The following UHRF2 variants were observed in gnomAD, a reference collection of about 807,000 sequenced individuals.
The protein encoded by UHRF2 is ubiquitin like with PHD and ring finger domains 2.
In UHRF2, 23 loss-of-function variants were observed where a neutral mutation model predicts 96.8. The observed-to-expected ratio is 0.24, with a 90% CI of 0.17 to 0.34. UHRF2 has a LOEUF of 0.34. Among genes scored for constraint, UHRF2 ranks in the 10% least tolerant of loss-of-function variants. UHRF2 has a pLI of 1.00. For missense variants in UHRF2, 685 were observed against 981.5 expected, an observed-to-expected ratio of 0.70 and a Z score of 4.04; for synonymous variants, 385 against 332.6, an observed-to-expected ratio of 1.16 and a Z score of -1.72.
At chr9:6,460,511 C>G (rs1003453623) in intron 3 of UHRF2, 62 bp from the exon 4 acceptor site, 14 of 1,399,694 alleles carry the variant, frequency 1.0e-5, no homozygotes, top group Non-Finnish European at 1.4e-5. Context: ...TTTTTCTGTA[C>G]ATTGCATAAA....
intron 3 of UHRF2, among the ~76,000 whole-genome samples, chr9:6,445,984 T>TGTTTTG (rs58693786): frequency 2.3e-5 from 3 of 127,878 alleles, no homozygotes; most frequent in East Asian, 5.4e-4. Flanking sequence ...CGCCACCCTT[T>TGTTTTG]TTTTTTTTTT....
chr9:6,433,484 C>T (rs562592924), intron 2 of UHRF2, among the ~76,000 whole-genome samples: 1 of 152,138 alleles, frequency 6.6e-6, no homozygotes, highest in South Asian at 2.1e-4. Context: ...TAATACTTTA[C>T]TGTTTTCTGG....
At chr9:6,448,694 T>C (rs1270950956) in intron 3 of UHRF2, among the ~76,000 whole-genome samples, 2 of 152,218 alleles carry the variant, frequency 1.3e-5, no homozygotes, top group East Asian at 3.8e-4. Context: ...ATACAAAGCA[T>C]GCTGTTTGAA....
intron 14 of UHRF2, among the ~76,000 whole-genome samples, chr9:6,501,758 T>G (rs1328919664): frequency 2.0e-5 from 3 of 152,204 alleles, no homozygotes; most frequent in Non-Finnish European, 4.4e-5. Flanking sequence ...AGTCTGACTT[T>G]GTTAGGTCAC....
chr9:6,460,293 T>TTAC (rs1158973655), intron 3 of UHRF2, among the ~76,000 whole-genome samples: 1 of 152,188 alleles, frequency 6.6e-6, no homozygotes, highest in Non-Finnish European at 1.5e-5. Context: ...GGCTGAACAC[T>TTAC]TACTTGCCTG....
At chr9:6,429,166 G>C (rs1185501632) in intron 2 of UHRF2, among the ~76,000 whole-genome samples, 1 of 148,514 alleles carries the variant, frequency 6.7e-6, no homozygotes, top group African/African-American at 2.5e-5. Context: ...CTCTGTCTCA[G>C]GAAAAAAAAA....
At chr9:6,461,451 TA>T (rs1822536582) in intron 4 of UHRF2, among the ~76,000 whole-genome samples, 1 of 144,894 alleles carries the variant, frequency 6.9e-6, no homozygotes, top group African/African-American at 2.5e-5. Context: ...TGGCTCACTG[TA>T]ACCTCTGCCT....
chr9:6,500,339 G>A (rs1273663920), intron 13 of UHRF2, among the ~76,000 whole-genome samples: 2 of 152,080 alleles, frequency 1.3e-5, no homozygotes, highest in African/African-American at 2.4e-5. Context: ...GGATTTGGCT[G>A]GGGGGGCATG....
At chr9:6,479,062 A>G (rs570091553) in intron 6 of UHRF2, among the ~76,000 whole-genome samples, 1 of 152,104 alleles carries the variant, frequency 6.6e-6, no homozygotes, top group African/African-American at 2.4e-5. Flanking sequence ...TTACTAGATC[A>G]TTCTCATTAG....
chr9:6,425,462 CA>C (rs1820201308), intron 2 of UHRF2, among the ~76,000 whole-genome samples: 1 of 152,016 alleles, frequency 6.6e-6, no homozygotes. Context: ...CTTTAATTGT[CA>C]AAGGATAGAG....
Position 6,434,500 on chromosome 9 carries a change from A to G in UHRF2, c.644+327A>G, listed in dbSNP as rs554558871. Among the ~76,000 whole-genome samples the G allele has an allele frequency of 3.9e-5, 6 of 152,218 alleles. No homozygotes were observed. In the East Asian group the frequency reaches 9.7e-4, roughly 25 times the overall value. ...CGCCCAAGTTGGAGTGCTGAATGGCACAATCTCGCCTCACTGCAACCTCAG... is the reference window on the plus strand; with the variant it reads ...CGCCCAAGTTGGAGTGCTGAATGGCGCAATCTCGCCTCACTGCAACCTCAG... On this transcript the variant is annotated intron_variant, in intron 3 of 15. Coordinates refer to ENST00000276893, the MANE Select transcript of UHRF2 (RefSeq NM_152896.3).
chr9:6,467,861 ACC>A, intron 4 of UHRF2, among the ~76,000 whole-genome samples: 1 of 151,942 alleles, frequency 6.6e-6, no homozygotes, highest in South Asian at 2.1e-4. Flanking sequence ...TTTTCCTTAT[ACC>A]CAGTGGCAGT....
chr9:6,445,553 G>A (rs1387750542), intron 3 of UHRF2, among the ~76,000 whole-genome samples: 1 of 151,950 alleles, frequency 6.6e-6, no homozygotes, highest in African/African-American at 2.4e-5. Flanking sequence ...GAGCCACCAC[G>A]CCTAGCCTCT....
intron 6 of UHRF2, among the ~76,000 whole-genome samples, chr9:6,479,367 C>A (rs1322189477): frequency 6.6e-6 from 1 of 152,122 alleles, no homozygotes; most frequent in Non-Finnish European, 1.5e-5. Context: ...GATTTGAGAT[C>A]AGGTAATCCC....
At chr9:6,435,044 G>T (rs1336144674) in intron 3 of UHRF2, among the ~76,000 whole-genome samples, 1 of 150,464 alleles carries the variant, frequency 6.6e-6, no homozygotes, top group Non-Finnish European at 1.5e-5. Flanking sequence ...TTCTCACTCT[G>T]TCACTCAGGC....
chr9:6,433,029 C>T (rs1004132731), intron 2 of UHRF2, among the ~76,000 whole-genome samples: 7 of 151,918 alleles, frequency 4.6e-5, no homozygotes, highest in Non-Finnish European at 1.0e-4. Flanking sequence ...TTAGTAGAGA[C>T]GGGGTTTCAC....
chr9:6,432,998 G>A (rs1419719469), intron 2 of UHRF2, among the ~76,000 whole-genome samples: 2 of 151,812 alleles, frequency 1.3e-5, no homozygotes, highest in African/African-American at 4.8e-5. Context: ...GCTCCACCAC[G>A]CCTGGCTAAT....
chr9:6,493,812 ATCT>A lies in UHRF2; in HGVS notation c.1498-10_1498-8del, dbSNP rs759495331. Reference sequence around the variant, plus strand: ...GGGTTTAGCTTTCTTAATAAAGAAAATCTTCTCTGACAGGACCGAGGTGATGAG... The same window carrying A: ...GGGTTTAGCTTTCTTAATAAAGAAAATCTCTGACAGGACCGAGGTGATGAG... On this transcript the variant is annotated splice_polypyrimidine_tract_variant and intron_variant, in intron 9 of 15. Transcript: ENST00000276893. 1.1e-5 allele frequency: 17 copies of A among 1,601,782 alleles called. No homozygotes were observed. The highest frequency in any genetic ancestry group is 2.3e-5 in the South Asian group (2 of 88,234).
At chr9:6,451,679 G>A (rs938037130) in intron 3 of UHRF2, among the ~76,000 whole-genome samples, 1 of 151,894 alleles carries the variant, frequency 6.6e-6, no homozygotes, top group African/African-American at 2.4e-5. Flanking sequence ...CACCATGTTA[G>A]CCAGCATGGT....
Sources: allele counts gnomAD v4.1 joint callset (sites outside exome capture counted in the v4.1 genomes callset), GRCh38; gene constraint gnomAD v4.1.1; transcripts MANE v1.5; gene names NCBI Gene and HGNC (gene_info 2026-07-23, HGNC 2026-07-21).